UBE2E2: variants seen among roughly 807,000 people sequenced by gnomAD.
UBE2E2 encodes the protein ubiquitin-conjugating enzyme E2 E2.
A neutral mutation model predicts 24.7 loss-of-function variants in UBE2E2; 6 were observed. The ratio of observed to expected loss-of-function variants is 0.24; its 90% CI spans 0.13 to 0.48. UBE2E2 has a LOEUF of 0.48. Among genes scored for constraint, UBE2E2 ranks in the 20% least tolerant of loss-of-function variants. The probability of loss-of-function intolerance (pLI) is 0.99; values close to 1 mark genes in which losing one functional copy is unlikely to be tolerated. For synonymous variants in UBE2E2, 104 were observed against 83.6 expected (o/e 1.24, Z -1.33); for missense variants, 169 against 245.0 (o/e 0.69, Z 2.07).
chr3:23,531,750 C>T (rs1273167732), intron 4 of UBE2E2, among the ~76,000 whole-genome samples: 1 of 151,924 alleles, frequency 6.6e-6, no homozygotes, highest in Non-Finnish European at 1.5e-5. Context: ...TATATAAATG[C>T]CTTAGTTTAT....
At chr3:23,387,470 A>G (rs979171641) in intron 3 of UBE2E2, among the ~76,000 whole-genome samples, 18 of 152,048 alleles carry the variant, frequency 1.2e-4, no homozygotes, top group African/African-American at 4.3e-4. Context: ...TCCCTTTTTT[A>G]TCTATAGGAC....
At chr3:23,453,498 C>T (rs1293643863) in intron 3 of UBE2E2, among the ~76,000 whole-genome samples, 3 of 152,082 alleles carry the variant, frequency 2.0e-5, no homozygotes, top group Non-Finnish European at 2.9e-5. Context: ...CAGTTTTAGC[C>T]TACTTTCTCT....
intron 3 of UBE2E2, among the ~76,000 whole-genome samples, chr3:23,266,037 T>C (rs1329517609): frequency 6.6e-6 from 1 of 152,248 alleles, no homozygotes; most frequent in Admixed American, 6.5e-5. Context: ...AGCCTATGTG[T>C]GTGTCTGCAC....
chr3:23,449,600 T>C (rs1256013853), intron 3 of UBE2E2, among the ~76,000 whole-genome samples: 1 of 152,234 alleles, frequency 6.6e-6, no homozygotes, highest in Admixed American at 6.5e-5. Context: ...ATTATCTGGT[T>C]CAATCTAATC....
chr3:23,300,885 A>G (rs1266628154), intron 3 of UBE2E2, among the ~76,000 whole-genome samples: 3 of 152,122 alleles, frequency 2.0e-5, no homozygotes, highest in African/African-American at 4.8e-5. Context: ...GTGTTTTCCC[A>G]CTTGGTTCCA....
chr3:23,583,427 C>G lies in UBE2E2; in HGVS notation c.509-6307C>G, dbSNP rs1429466206. ...GGCTATTCAGGCCCTTTTTTGGTTCCATATGAATTTTAAAATAGTTTTTTC... is the reference window on the plus strand; with the variant it reads ...GGCTATTCAGGCCCTTTTTTGGTTCGATATGAATTTTAAAATAGTTTTTTC... On this transcript the variant is annotated intron_variant, in intron 5 of 5. Transcript: ENST00000396703. The surrounding 1 kb of genome is among the most constrained non-coding windows in gnomAD (Gnocchi z 4.1). Among the ~76,000 whole-genome samples, 2 of 152,032 alleles carry G rather than the reference C, an allele frequency of 1.3e-5. No homozygotes were observed. Among genetic ancestry groups the G allele is most frequent in the Non-Finnish European group, 2.9e-5 (2 of 68,004 alleles).
chr3:23,298,612 C>G (rs1329996554), intron 3 of UBE2E2, among the ~76,000 whole-genome samples: 1 of 151,672 alleles, frequency 6.6e-6, no homozygotes, highest in African/African-American at 2.4e-5. Context: ...ATATATTGAA[C>G]CAGCCTTGCA....
intron 3 of UBE2E2, among the ~76,000 whole-genome samples, chr3:23,218,264 A>G (rs953006108): frequency 1.3e-5 from 2 of 152,164 alleles, no homozygotes; most frequent in Non-Finnish European, 2.9e-5. Flanking sequence ...TGAATCTAAT[A>G]TGGTTCTTCA....
chr3:23,221,538 A>G (rs868769620), intron 3 of UBE2E2, among the ~76,000 whole-genome samples: 1 of 152,162 alleles, frequency 6.6e-6, no homozygotes, highest in South Asian at 2.1e-4. Context: ...GACATTTTGT[A>G]TAAATGAAAT....
rs755968349 is a variant in UBE2E2 at position 23,280,259 on chromosome 3, T to G, written c.227+62947T>G. Among the ~76,000 whole-genome samples, 1 of 152,226 alleles carries G rather than the reference T, an allele frequency of 6.6e-6. No individual in the cohort carries two copies. The highest frequency in any genetic ancestry group is 1.5e-5 in the Non-Finnish European group (1 of 68,040). On this transcript the variant is annotated intron_variant, in intron 3 of 5. Coordinates refer to ENST00000396703, the MANE Select transcript of UBE2E2 (RefSeq NM_152653.4). This position sits in a 1 kb window ranked among gnomAD's most constrained non-coding sequence, Gnocchi z 4.3. ...GTGTTTTTATTAACCCTTTTATTTG[T>G]GACTCTTTTTTGGTATTCAGAATTG...
In UBE2E2 at chr3:23,364,552, C is replaced by T. The variant is rs148421028; in HGVS notation, c.228-135056C>T. Among the ~76,000 whole-genome samples, 340 of 152,140 alleles carry T rather than the reference C, an allele frequency of 2.2e-3. 3 individuals carry two copies. The highest frequency in any genetic ancestry group is 7.8e-3 in the African/African-American group (323 of 41,502). ...AAATGGATAAATGCCTGGAAACATA[C>T]GACCTCCCAAGATTGAACCAGGAAG... On this transcript the variant is annotated intron_variant, in intron 3 of 5. Transcript: ENST00000396703.
At chr3:23,557,865 C>A (rs908702251) in intron 5 of UBE2E2, among the ~76,000 whole-genome samples, 17 of 152,312 alleles carry the variant, frequency 1.1e-4, no homozygotes, top group African/African-American at 3.8e-4. Context: ...TGTCCACAAA[C>A]CAGGCTTACA....
At chr3:23,304,019 C>T (rs1425755956) in intron 3 of UBE2E2, among the ~76,000 whole-genome samples, 1 of 152,194 alleles carries the variant, frequency 6.6e-6, no homozygotes, top group Non-Finnish European at 1.5e-5. Flanking sequence ...ACTACTCTCC[C>T]TATCTTTAGT....
intron 5 of UBE2E2, among the ~76,000 whole-genome samples, chr3:23,540,171 C>T (rs1189749947): frequency 2.6e-5 from 4 of 152,166 alleles, no homozygotes; most frequent in East Asian, 1.9e-4. Context: ...TCAAGCAACC[C>T]TCCTGCTTCA....
intron 5 of UBE2E2, among the ~76,000 whole-genome samples, chr3:23,566,513 G>C (rs1288245017): frequency 6.6e-6 from 1 of 152,150 alleles, no homozygotes; most frequent in Non-Finnish European, 1.5e-5. Flanking sequence ...TAAAGAAAAA[G>C]TTTTATTTGG....
chr3:23,358,351 G>T (rs538641327), intron 3 of UBE2E2, among the ~76,000 whole-genome samples: 1 of 152,128 alleles, frequency 6.6e-6, no homozygotes, highest in Admixed American at 6.5e-5. Flanking sequence ...ATGGTTCACA[G>T]AACCAGTGGT....
chr3:23,489,873 C>G (rs1209039892), intron 3 of UBE2E2, among the ~76,000 whole-genome samples: 1 of 152,146 alleles, frequency 6.6e-6, no homozygotes, highest in Admixed American at 6.5e-5. Flanking sequence ...TGGAAGTGTT[C>G]AGCGGGGAAG....
Position 23,208,798 on chromosome 3 carries a change from A to T in UBE2E2, c.99A>T (p.Arg33Ser), listed in dbSNP as rs1696228720. The stretch of plus-strand genomic sequence containing the variant: ...AAAGTGTTCAGCAAGAACCAGAAAG[A>T]GAACAAGTTCAGCCCAAGAAAAAGG... The part of the protein sequence containing the change: ...QRESVQQEPE[R>S]EQVQPKKKEG... Residue 33 changes from arginine (R) to serine (S), a missense_variant, in exon 2 of 6, where the codon AGA becomes AGT. Arg to Ser is a moderately radical substitution (Grantham distance 110, BLOSUM62 -1). This residue lies in a region of UBE2E2 where 64 missense variants were observed against 64.3 expected (regional missense o/e 1.00). Coordinates refer to ENST00000396703, the MANE Select transcript of UBE2E2 (RefSeq NM_152653.4). The T allele has an allele frequency of 6.2e-7, 1 of 1,613,712 alleles. No individual in the cohort carries two copies. Among genetic ancestry groups the T allele is most frequent in the Non-Finnish European group, 8.5e-7 (1 of 1,179,814 alleles).
chr3:23,353,230 G>A (rs571800149), intron 3 of UBE2E2, among the ~76,000 whole-genome samples: 9 of 151,998 alleles, frequency 5.9e-5, no homozygotes, highest in South Asian at 4.2e-4. Context: ...TTGATGGGAC[G>A]TATCTCCAAA....
Sources: gnomAD v4.1 joint callset for allele counts (sites outside exome capture counted in the v4.1 genomes callset) on GRCh38, gnomAD v4.1.1 for gene constraint, gnomAD v4.1.1 regional missense constraint, Gnocchi (gnomAD v3.1) non-coding constraint, MANE v1.5 for transcripts, NCBI Gene and HGNC (gene_info 2026-07-23, HGNC 2026-07-21) for gene names.